Variants in NUCB2 observed in about 807,000 individuals in gnomAD.
NUCB2 encodes nucleobindin 2, also known as nucleobindin-2.
A neutral mutation model predicts 57.9 loss-of-function variants in NUCB2; 48 were observed. That is an observed-to-expected ratio of 0.83 (90% confidence interval 0.66 to 1.05). The LOEUF is 1.05. Among genes scored for constraint, NUCB2 ranks in the 50% least tolerant of loss-of-function variants. The probability of loss-of-function intolerance (pLI) is 0.00; values close to 1 mark genes in which losing one functional copy is unlikely to be tolerated. For synonymous variants in NUCB2, 139 were observed against 152.1 expected, an observed-to-expected ratio of 0.91 and a Z score of 0.64; for missense variants, 442 against 476.2, an observed-to-expected ratio of 0.93 and a Z score of 0.67.
At chr11:17,349,154 T>C (rs2354867) in intron 2 of NUCB2, among the ~76,000 whole-genome samples, 45,339 of 152,080 alleles carry the variant, frequency 0.3, 7,686 homozygotes, top group East Asian at 0.53. Context: ...CTAACATGTG[T>C]ACTCACATAC....
At chr11:17,302,520 T>C (rs192808600) in intron 5 of NUCB2, among the ~76,000 whole-genome samples, 1 of 152,230 alleles carries the variant, frequency 6.6e-6, no homozygotes, top group East Asian at 1.9e-4. Flanking sequence ...TTCAGAGATC[T>C]AGCCCCAGAA....
At chr11:17,312,236 G>T in intron 10 of NUCB2, 116 bp downstream of exon 10, 2 of 641,590 alleles carry the variant, frequency 3.1e-6, no homozygotes. Context: ...TTGCGTTTTT[G>T]TTTTTGTTTT....
intron 2 of NUCB2, among the ~76,000 whole-genome samples, chr11:17,345,929 T>C (rs1952700392): frequency 6.6e-6 from 1 of 152,150 alleles, no homozygotes; most frequent in East Asian, 1.9e-4. Flanking sequence ...TTGAATTCAT[T>C]TTATAAATAT....
intron 2 of NUCB2, among the ~76,000 whole-genome samples, chr11:17,348,644 C>T (rs11024262): frequency 0.34 from 45,261 of 134,770 alleles, 7,680 homozygotes; most frequent in East Asian, 0.6. Context: ...CTGGCCTAGA[C>T]AGATTTTTTG....
intron 2 of NUCB2, among the ~76,000 whole-genome samples, chr11:17,285,086 T>G (rs1397745480): frequency 6.6e-6 from 1 of 152,152 alleles, no homozygotes; most frequent in Non-Finnish European, 1.5e-5. Flanking sequence ...AGCCATTAAT[T>G]GAAAAGGAAG....
intron 5 of NUCB2, among the ~76,000 whole-genome samples, chr11:17,305,566 T>G (rs2138744905): frequency 6.6e-6 from 1 of 152,276 alleles, no homozygotes; most frequent in Admixed American, 6.5e-5. Context: ...TAATTTAGTT[T>G]AATATAAAGG....
Position 17,309,601 on chromosome 11 carries a change from A to C in NUCB2, c.409A>C (p.Lys137Gln), listed in dbSNP as rs1422478040. The C allele has an allele frequency of 6.2e-7, 1 of 1,604,250 alleles. No individual in the cohort carries two copies. Among genetic ancestry groups the C allele is most frequent in the Non-Finnish European group, 8.5e-7 (1 of 1,176,570 alleles). Residue 137 changes from lysine to glutamine, a missense_variant, in exon 6 of 14, where the codon AAA becomes CAA. Coordinates refer to ENST00000529010, the MANE Select transcript of NUCB2 (RefSeq NM_005013.4). ...AGGCATGGACCACCAAGCTCTTCTA[A>C]AACAATTTGATCACCTAAACCACCT... ...DIGMDHQALL[K>Q]QFDHLNHLNP...
At chr11:17,294,622 A>G (rs569945330) in intron 2 of NUCB2, among the ~76,000 whole-genome samples, 1 of 151,636 alleles carries the variant, frequency 6.6e-6, no homozygotes, top group African/African-American at 2.4e-5. Context: ...GTTGTGGTGA[A>G]AATGGGGTTA....
chr11:17,302,890 T>C (rs12280741), intron 5 of NUCB2, among the ~76,000 whole-genome samples: 2,866 of 152,076 alleles, frequency 0.019, 93 homozygotes, highest in African/African-American at 0.065. Context: ...AGGCGCCCAC[T>C]ACCACACCCA....
chr11:17,309,691 A>G lies in NUCB2; in HGVS notation c.483+16A>G, dbSNP rs1206145588. ...AATCAAAGCGGTGAGAATAATTCCA[A>G]AAAGTTTTGTCTTTATTGTGCCTTT... On this transcript the variant is annotated intron_variant, in intron 6 of 13. Transcript: ENST00000529010. 2 of 1,527,392 alleles carry G rather than the reference A, an allele frequency of 1.3e-6. No individual in the cohort carries two copies. Among genetic ancestry groups the G allele is most frequent in the African/African-American group, 2.8e-5 (2 of 71,548 alleles). The allele number at this position is 1,527,392 out of a possible 1,614,324, so 94.6% of individuals were successfully genotyped here. A position where few individuals can be genotyped will look rare whatever the true frequency, so the allele number is the denominator to read the frequency against.
At chr11:17,312,146 A>G (rs775917760) in intron 10 of NUCB2, 26 bp downstream of exon 10, 49 of 1,076,392 alleles carry the variant, frequency 4.6e-5, no homozygotes, top group Non-Finnish European at 6.5e-5. Context: ...TTAAGATAAT[A>G]TGTTATTTCT....
intron 10 of NUCB2, among the ~76,000 whole-genome samples, chr11:17,314,884 A>G (rs1949018184): frequency 6.6e-6 from 1 of 152,236 alleles, no homozygotes; most frequent in Non-Finnish European, 1.5e-5. Context: ...TAACAGCTGT[A>G]CAAGAGGATT....
At chr11:17,295,500 T>C in intron 3 of NUCB2, 33 bp downstream of exon 3, 5 of 1,476,168 alleles carry the variant, frequency 3.4e-6, no homozygotes, top group Non-Finnish European at 4.7e-6. Flanking sequence ...GGAGGAATTA[T>C]AACTAAATGA....
In NUCB2 at chr11:17,284,901, G is replaced by A. The variant is rs542304534; in HGVS notation, c.-1+1958G>A. Among the ~76,000 whole-genome samples the A allele has an allele frequency of 2.0e-5, 3 of 152,210 alleles. No individual in the cohort carries two copies. The South Asian group carries it at 6.2e-4, about 32-fold the overall frequency. ...CTCACTAGATTGAAGCCCTGTGAGG[G>A]TAAGGACTATGTCGATCTCGCTTAC... On this transcript the variant is annotated intron_variant, in intron 2 of 13. Transcript: ENST00000529010.
intron 2 of NUCB2, among the ~76,000 whole-genome samples, chr11:17,293,500 T>G (rs1005353335): frequency 3.3e-5 from 5 of 152,142 alleles, no homozygotes; most frequent in African/African-American, 9.7e-5. Flanking sequence ...CCTCAAAAAG[T>G]TAAACTTAGA....
At chr11:17,288,920 C>G (rs1944363093) in intron 2 of NUCB2, among the ~76,000 whole-genome samples, 3 of 87,038 alleles carry the variant, frequency 3.4e-5, no homozygotes, top group Non-Finnish European at 2.0e-5. Flanking sequence ...CACACACACA[C>G]ACACACACAC....
At chr11:17,306,224 G>C (rs1485575408) in intron 5 of NUCB2, among the ~76,000 whole-genome samples, 2 of 152,086 alleles carry the variant, frequency 1.3e-5, no homozygotes, top group Non-Finnish European at 2.9e-5. Flanking sequence ...TGGGTGGTTT[G>C]TTGTCATTAA....
chr11:17,289,757 G>A (rs756561919), intron 2 of NUCB2, among the ~76,000 whole-genome samples: 4 of 152,112 alleles, frequency 2.6e-5, no homozygotes, highest in Admixed American at 6.6e-5. Context: ...GACCATTCTC[G>A]TATCAATCTT....
In NUCB2 at chr11:17,280,036, G is replaced by T. The variant is rs138002805; in HGVS notation, c.-155-2753G>T. 9.6e-3 allele frequency among the ~76,000 whole-genome samples: 1,455 copies of T among 152,112 alleles called. 22 individuals carry two copies. The highest frequency in any genetic ancestry group is 0.015 in the Non-Finnish European group (1,053 of 67,980). ...TCAAACTTCTAGGCTCAAGCGATCT[G>T]CCTGTCTTGGCCTCCCAAAGTGCTG... On this transcript the variant is annotated intron_variant, in intron 1 of 13. Coordinates refer to ENST00000529010, the MANE Select transcript of NUCB2 (RefSeq NM_005013.4).
Sources: allele counts gnomAD v4.1 joint callset (sites outside exome capture counted in the v4.1 genomes callset), GRCh38; gene constraint gnomAD v4.1.1; transcripts MANE v1.5; gene names NCBI Gene and HGNC (gene_info 2026-07-23, HGNC 2026-07-21).